The following ZMYM2 variants were observed in gnomAD, a reference collection of about 807,000 sequenced individuals.
The protein encoded by ZMYM2 is zinc finger MYM-type containing 2, also known as zinc finger MYM-type protein 2.
ZMYM2 carries 56 observed loss-of-function variants against 162.8 expected under a neutral mutation model. The ratio of observed to expected loss-of-function variants is 0.34; its 90% CI spans 0.28 to 0.43. The LOEUF is 0.43. Among genes scored for constraint, ZMYM2 ranks in the 20% least tolerant of loss-of-function variants. The pLI is 1.00. For synonymous variants in ZMYM2, 510 were observed against 541.6 expected (o/e 0.94, Z 0.81); for missense variants, 1,275 against 1,621.8 (o/e 0.79, Z 3.67).
At chr13:19,965,144 G>A (rs754560773) in intron 2 of ZMYM2, 46 of 813,634 alleles carry the variant, frequency 5.7e-5, no homozygotes, top group Middle Eastern at 3.8e-4. Flanking sequence ...GGGATGCACA[G>A]TTAGAAGTTG....
intron 10 of ZMYM2, among the ~76,000 whole-genome samples, chr13:20,033,747 A>C (rs1382829356): frequency 6.6e-6 from 1 of 152,204 alleles, no homozygotes; most frequent in East Asian, 1.9e-4. Context: ...TTCAAGGGAA[A>C]CAACTCAGTC....
chr13:20,034,543 T>G, intron 11 of ZMYM2, 139 bp downstream of exon 11: 1 of 766,396 alleles, frequency 1.3e-6, no homozygotes, highest in Non-Finnish European at 1.9e-6. Context: ...CTGACTTGTT[T>G]CGTTATTTTA....
At chr13:19,948,582 A>G in the ZMYM2 span, among the ~76,000 whole-genome samples, 1 of 152,348 alleles carries the variant, frequency 6.6e-6, no homozygotes. Flanking sequence ...AGAAAGATCA[A>G]TGGTTACTAC....
chr13:20,004,608 G>A (rs574537451), intron 4 of ZMYM2, among the ~76,000 whole-genome samples: 64 of 152,280 alleles, frequency 4.2e-4, no homozygotes, highest in African/African-American at 1.4e-3. Context: ...TGTTAATAGT[G>A]GGTGAGGTTA....
chr13:20,000,700 A>G (rs1012283425), intron 3 of ZMYM2, among the ~76,000 whole-genome samples: 3 of 152,262 alleles, frequency 2.0e-5, no homozygotes, highest in Non-Finnish European at 4.4e-5. Context: ...ACACCTGGTC[A>G]TCCAAGAGCT....
At chr13:20,065,135 CTT>C in intron 19 of ZMYM2, among the ~76,000 whole-genome samples, 1 of 152,186 alleles carries the variant, frequency 6.6e-6, no homozygotes, top group East Asian at 1.9e-4. Flanking sequence ...ATTCTGTCAA[CTT>C]TCTGTGTTTC....
chr13:19,884,405 T>A, the ZMYM2 span, among the ~76,000 whole-genome samples: 1 of 152,080 alleles, frequency 6.6e-6, no homozygotes, highest in East Asian at 1.9e-4. Flanking sequence ...ATAACCCCCA[T>A]CTATGACTAA....
chr13:19,928,301 C>A, the ZMYM2 span, among the ~76,000 whole-genome samples: 2 of 152,176 alleles, frequency 1.3e-5, no homozygotes, highest in African/African-American at 2.4e-5. Context: ...ATGCACCTGA[C>A]CTGCCTTTTT....
At chr13:19,889,468 C>T in the ZMYM2 span, among the ~76,000 whole-genome samples, 6 of 151,836 alleles carry the variant, frequency 4.0e-5, no homozygotes, top group African/African-American at 1.2e-4. Context: ...TACAGGCTCC[C>T]GCCACCACAC....
intron 7 of ZMYM2, chr13:20,024,700 C>CA (rs753772060): frequency 9.6e-3 from 1,892 of 197,108 alleles, no homozygotes; most frequent in Non-Finnish European, 0.014. Context: ...AGGAAACAAA[C>CA]AAAAAAAAAA....
chr13:20,052,585 T>TTTAAGACAATGGCAATAGTATGTTTGAAA (rs1197751458), intron 14 of ZMYM2, among the ~76,000 whole-genome samples: 7 of 152,264 alleles, frequency 4.6e-5, no homozygotes, highest in South Asian at 2.1e-4. Context: ...TAGATGCATC[T>TTTAAGACAATGGCAATAGTATGTTTGAAA]TTAAGACAAT....
At chr13:20,026,897 ATTATT>A in intron 8 of ZMYM2, 135 bp downstream of exon 8, 1 of 1,005,980 alleles carries the variant, frequency 9.9e-7, no homozygotes, top group Non-Finnish European at 1.4e-6. Context: ...AACTGTTCTA[ATTATT>A]TTGATTATTC....
Position 19,996,037 on chromosome 13 carries a change from G to GTC in ZMYM2, c.847+2130_847+2131dup, listed in dbSNP as rs975796153. ...ACTTTTTCATGACATGTCTGTGGAT[G>GTC]TCTCTCTCTCTCTTTAACCTCTCCC... On this transcript the variant is annotated intron_variant, in intron 3 of 24. Transcript: ENST00000610343. 7.1e-4 allele frequency among the ~76,000 whole-genome samples: 105 copies of GTC among 148,290 alleles called. 1 individual carries two copies. The highest frequency in any genetic ancestry group is 2.6e-3 in the African/African-American group (103 of 40,244).
chr13:19,954,904 G>A (rs956063417), upstream of ZMYM2, among the ~76,000 whole-genome samples: 1 of 151,662 alleles, frequency 6.6e-6, no homozygotes, highest in Admixed American at 6.6e-5. Context: ...TCTGCCTGCC[G>A]GGTTCAAGCA....
chr13:20,053,249 C>G (rs1282929478), intron 14 of ZMYM2, among the ~76,000 whole-genome samples: 1 of 152,170 alleles, frequency 6.6e-6, no homozygotes, highest in African/African-American at 2.4e-5. Flanking sequence ...TGGGCTAGTT[C>G]TTGTTGTGTT....
At chr13:20,063,750 C>G (rs1956409176) in intron 18 of ZMYM2, among the ~76,000 whole-genome samples, 1 of 50,012 alleles carries the variant, frequency 2.0e-5, no homozygotes, top group Non-Finnish European at 5.3e-5. Context: ...TGCACTCCAA[C>G]CTAGGCAACA....
chr13:19,930,198 C>T, the ZMYM2 span, among the ~76,000 whole-genome samples: 6 of 152,124 alleles, frequency 3.9e-5, no homozygotes, highest in African/African-American at 1.4e-4. Context: ...GTCAGGAGTT[C>T]AAGGCCAGCC....
chr13:19,871,395 AGG>A, the ZMYM2 span, among the ~76,000 whole-genome samples: 1 of 152,106 alleles, frequency 6.6e-6, no homozygotes, highest in Non-Finnish European at 1.5e-5. Flanking sequence ...GAGAATTCTA[AGG>A]GTTTTGTTTT....
At chr13:20,007,937 G>A (rs999973561) in intron 6 of ZMYM2, among the ~76,000 whole-genome samples, 2 of 151,882 alleles carry the variant, frequency 1.3e-5, no homozygotes, top group East Asian at 1.9e-4. Context: ...TTATTAAGGT[G>A]TGAGTTATAT....
Sources: gnomAD v4.1 joint callset for allele counts (sites outside exome capture counted in the v4.1 genomes callset) on GRCh38, gnomAD v4.1.1 for gene constraint, MANE v1.5 for transcripts, NCBI Gene and HGNC (gene_info 2026-07-23, HGNC 2026-07-21) for gene names.